Variants in KCNT1 observed in about 807,000 individuals in gnomAD.
The protein encoded by KCNT1 is potassium sodium-activated channel subfamily T member 1, also known as potassium channel subfamily T member 1.
In KCNT1, 78 loss-of-function variants were observed where a neutral mutation model predicts 147.8. That is an observed-to-expected ratio of 0.53 (90% confidence interval 0.44 to 0.64). KCNT1 has a LOEUF of 0.64. Among genes scored for constraint, KCNT1 ranks in the 30% least tolerant of loss-of-function variants. The probability of loss-of-function intolerance (pLI) is 0.00; values close to 1 mark genes in which losing one functional copy is unlikely to be tolerated. For synonymous variants in KCNT1, 867 were observed against 748.8 expected (o/e 1.16, Z -2.58); for missense variants, 1,419 against 1,750.3 (o/e 0.81, Z 3.38).
At chr9:135,782,427 TCTC>T (rs1244262577) in intron 24 of KCNT1, among the ~76,000 whole-genome samples, 12 of 152,240 alleles carry the variant, frequency 7.9e-5, no homozygotes, top group South Asian at 2.1e-4. Context: ...CTGTGTGATC[TCTC>T]CTCCTCACCA....
chr9:135,720,279 C>T (rs1253217912), intron 2 of KCNT1, among the ~76,000 whole-genome samples: 3 of 151,934 alleles, frequency 2.0e-5, no homozygotes, highest in African/African-American at 2.4e-5. Context: ...AGGGTGAAGG[C>T]CCCACCAGGC....
chr9:135,726,625 C>G (rs953912695), intron 2 of KCNT1, among the ~76,000 whole-genome samples: 5 of 152,032 alleles, frequency 3.3e-5, no homozygotes, highest in African/African-American at 4.8e-5. Flanking sequence ...ACTCCCGCCC[C>G]CAACCTGATG....
At position 135,714,736 on chromosome 9, in the gene KCNT1, G is replaced by T; in HGVS notation, c.254+16G>T. ...ACGACGACAGGTAGGGACCGGGCGCGGGGTGGGGGCTGGGGTCGCCGTCCC... is the reference window on the plus strand; with the variant it reads ...ACGACGACAGGTAGGGACCGGGCGCTGGGTGGGGGCTGGGGTCGCCGTCCC... On this transcript the variant is annotated intron_variant, in intron 2 of 30. Coordinates refer to ENST00000371757, the MANE Select transcript of KCNT1 (RefSeq NM_020822.3). The surrounding 1 kb of genome is among the most constrained non-coding windows in gnomAD (Gnocchi z 6.2). 1 of 1,279,536 alleles carries T rather than the reference G, an allele frequency of 7.8e-7. No individual in the cohort carries two copies. The allele number at this position is 1,279,536 out of a possible 1,614,324, so 79.3% of individuals were successfully genotyped here.
chr9:135,785,551 G>T (rs749191609), intron 28 of KCNT1: 25 of 663,270 alleles, frequency 3.8e-5, no homozygotes, highest in African/African-American at 7.1e-5. Flanking sequence ...CTGAGGCCTG[G>T]GGGGAGTAGC....
chr9:135,785,956 C>A, intron 28 of KCNT1: 1 of 565,340 alleles, frequency 1.8e-6, no homozygotes, highest in Non-Finnish European at 3.1e-6. Context: ...TTGACCAGGC[C>A]CGGGCAGGGT....
In KCNT1 at chr9:135,702,369, G is replaced by C. The variant is rs780331569; in HGVS notation, c.110+1G>C. ...TTGACGACGGCCAATGCGCCCCCAG[G>C]TACAGTCTGCTGCGCCCTCCCCACG... On this transcript the variant is annotated splice_donor_variant, in intron 1 of 30. Transcript: ENST00000371757. LOFTEE classifies it high-confidence loss of function. 8 of 1,609,176 alleles carry C rather than the reference G, an allele frequency of 5.0e-6. No individual in the cohort carries two copies. The African/African-American group carries it at 1.1e-4, about 22-fold the overall frequency.
At chr9:135,775,693 T>C (rs916240427) in intron 20 of KCNT1, among the ~76,000 whole-genome samples, 2 of 152,164 alleles carry the variant, frequency 1.3e-5, no homozygotes, top group African/African-American at 4.8e-5. Flanking sequence ...ACCACACCCC[T>C]TTCCCCTAAT....
chr9:135,755,209 G>T lies in KCNT1; in HGVS notation c.540+40G>T, dbSNP rs1465666605. ...CTGCCCCCCTCCCGACTGCAGTGGT[G>T]CTCAGTAAGCACTGAGGACCAACCC... On this transcript the variant is annotated intron_variant, in intron 6 of 30. Transcript: ENST00000371757. 3 of 1,568,680 alleles carry T rather than the reference G, an allele frequency of 1.9e-6. No individual in the cohort carries two copies. The Admixed American group carries it at 5.6e-5, about 29-fold the overall frequency.
At chr9:135,731,904 GCA>G (rs1328601364) in intron 2 of KCNT1, among the ~76,000 whole-genome samples, 1 of 147,202 alleles carries the variant, frequency 6.8e-6, no homozygotes, top group African/African-American at 2.5e-5. Flanking sequence ...GGGACTCCGT[GCA>G]CAGTTCTTTC....
chr9:135,765,788 C>T (rs1038294608), intron 13 of KCNT1, 28 bp downstream of exon 13: 18 of 1,162,468 alleles, frequency 1.5e-5, no homozygotes, highest in African/African-American at 4.6e-5. Context: ...GAGGGGGTGG[C>T]ATGGGGGCAC....
intron 1 of KCNT1, among the ~76,000 whole-genome samples, chr9:135,705,224 G>T (rs1030915065): frequency 6.6e-6 from 1 of 152,196 alleles, no homozygotes; most frequent in African/African-American, 2.4e-5. Flanking sequence ...GAGGCTTTTT[G>T]TCCTGCTTCC....
At position 135,783,844 on chromosome 9, in the gene KCNT1, G is replaced by A. The variant is rs548596826; in HGVS notation, c.2842-180G>A. On this transcript the variant is annotated intron_variant, in intron 24 of 30. Coordinates refer to ENST00000371757, the MANE Select transcript of KCNT1 (RefSeq NM_020822.3). ...AAGATAGAGCTGGTTCAGGCCTGCC[G>A]GTGTATGCACACATGCAGACACACA... 5.9e-5 allele frequency among the ~76,000 whole-genome samples: 9 copies of A among 152,318 alleles called. No individual in the cohort carries two copies. The South Asian group carries it at 8.3e-4, about 14-fold the overall frequency.
At chr9:135,770,806 G>C (rs1158719984) in intron 17 of KCNT1, 51 bp from the exon 18 acceptor site, 1 of 1,479,544 alleles carries the variant, frequency 6.8e-7, no homozygotes, top group Non-Finnish European at 9.2e-7. Context: ...GCAGGGAGCG[G>C]GACAGGGCGG....
intron 2 of KCNT1, among the ~76,000 whole-genome samples, chr9:135,719,151 G>T (rs1835828291): frequency 6.6e-6 from 1 of 152,226 alleles, no homozygotes; most frequent in Non-Finnish European, 1.5e-5. Flanking sequence ...ACTGATGGAG[G>T]CCCTGGCCCT....
rs1832518596 is a variant in KCNT1 at position 135,768,900 on chromosome 9, C to T, written c.1473C>T (p.Ile491=). The change falls in exon 15 of 31, where the codon ATC becomes ATT. Residue 491 remains isoleucine, a synonymous_variant. Coordinates refer to ENST00000371757, the MANE Select transcript of KCNT1 (RefSeq NM_020822.3). The stretch of plus-strand genomic sequence containing the variant: ...CCAACTGCCCCCTCTACGTCCAGAT[C>T]CTCAAACCTGAAAACAAGTTTCACG... The part of the protein sequence containing the change: ...FAPNCPLYVQ[I]LKPENKFHVK... 3.1e-6 allele frequency: 5 copies of T among 1,613,580 alleles called. No homozygotes were observed. Among genetic ancestry groups the T allele is most frequent in the South Asian group, 1.1e-5 (1 of 91,042 alleles).
At chr9:135,764,452 T>C (rs12339652) in intron 11 of KCNT1, among the ~76,000 whole-genome samples, 1,785 of 152,104 alleles carry the variant, frequency 0.012, 36 homozygotes, top group African/African-American at 0.04. Context: ...AGAGTGAGCC[T>C]CCGTCTCAAA....
intron 2 of KCNT1, among the ~76,000 whole-genome samples, chr9:135,721,585 G>A (rs934884647): frequency 3.3e-5 from 5 of 152,320 alleles, no homozygotes; most frequent in African/African-American, 4.8e-5. Flanking sequence ...CCTCGGGGCC[G>A]CCTGTCTGTC....
chr9:135,714,639 A>C lies in KCNT1; in HGVS notation c.173A>C (p.Asp58Ala). 4 of 1,476,110 alleles carry C rather than the reference A, an allele frequency of 2.7e-6. No individual in the cohort carries two copies. The highest frequency in any genetic ancestry group is 3.6e-6 in the Non-Finnish European group (4 of 1,103,324). 91.4% of individuals were successfully genotyped at this position (1,476,110 alleles called of 1,614,324 possible). The change falls in exon 2 of 31, where the codon GAC becomes GCC. Residue 58 changes from aspartate (D) to alanine (A), a missense_variant. Physicochemically the swap from Asp to Ala is moderately radical, Grantham distance 126. Transcript: ENST00000371757. The surrounding 1 kb of genome is among the most constrained non-coding windows in gnomAD (Gnocchi z 6.2). ...DTAGFKMSDL[D>A]SEVLPLPPRY... ...GCCGGCTTCAAGATGAGCGACCTGG[A>C]CTCCGAGGTGCTGCCCTTGCCGCCG...
At position 135,765,034 on chromosome 9, in the gene KCNT1, G is replaced by A. The variant is rs913411736; in HGVS notation, c.1039G>A (p.Glu347Lys). ...CTCACCTGTTTCTCACCTGCAGTTC[G>A]AGGAGCTCGTCTACCTCTGGATGGA... is the stretch of plus-strand genomic sequence containing the variant. ...VALVVLPLQF[E>K]ELVYLWMERQ... is the part of the protein sequence containing the mutation. The change falls in exon 12 of 31, where the codon GAG (glutamate) becomes AAG (lysine). Residue 347 changes from glutamate to lysine, a missense_variant. Around this residue, in one of 5 missense-constraint regions of KCNT1, gnomAD observed 401 missense variants for 610.6 expected, o/e 0.66. Transcript: ENST00000371757. 28 of 1,605,424 alleles carry A rather than the reference G, an allele frequency of 1.7e-5. No individual in the cohort carries two copies. The highest frequency in any genetic ancestry group is 1.3e-4 in the East Asian group (6 of 44,672).
Sources: gnomAD v4.1 joint callset for allele counts (sites outside exome capture counted in the v4.1 genomes callset) on GRCh38, gnomAD v4.1.1 for gene constraint, gnomAD v4.1.1 regional missense constraint, Gnocchi (gnomAD v3.1) non-coding constraint, MANE v1.5 for transcripts, NCBI Gene and HGNC (gene_info 2026-07-23, HGNC 2026-07-21) for gene names.